The following DKK2 variants were observed in gnomAD, a reference collection of about 807,000 sequenced individuals.
DKK2 encodes the protein dickkopf-related protein 2.
In DKK2, 11 loss-of-function variants were observed where a neutral mutation model predicts 28.1. The observed-to-expected ratio is 0.39, with a 90% CI of 0.25 to 0.65. DKK2 has a LOEUF of 0.65. Ranked by LOEUF, DKK2 falls within the 30% of genes least tolerant of loss-of-function variation. The pLI, the probability that DKK2 is intolerant of heterozygous loss-of-function variation, is 0.47. For missense variants in DKK2, 326 were observed against 335.5 expected (o/e 0.97, Z 0.22); for synonymous variants, 135 against 126.5 (o/e 1.07, Z -0.45).
chr4:106,967,769 G>A (rs1368028830), intron 1 of DKK2, among the ~76,000 whole-genome samples: 1 of 149,412 alleles, frequency 6.7e-6, no homozygotes, highest in African/African-American at 2.5e-5. Context: ...AAGGGAATTA[G>A]GAAAGGAAGC....
At chr4:107,008,743 A>G (rs1723475150) in intron 1 of DKK2, among the ~76,000 whole-genome samples, 1 of 151,960 alleles carries the variant, frequency 6.6e-6, no homozygotes, top group Non-Finnish European at 1.5e-5. Flanking sequence ...ACTTCAAATT[A>G]TTTACTTAGT....
At chr4:107,003,532 G>T (rs112510274) in intron 1 of DKK2, among the ~76,000 whole-genome samples, 1 of 152,178 alleles carries the variant, frequency 6.6e-6, no homozygotes, top group African/African-American at 2.4e-5. Context: ...TGCACAGAGC[G>T]CTAACCAAAG....
At chr4:106,968,871 A>G (rs1250816698) in intron 1 of DKK2, among the ~76,000 whole-genome samples, 1 of 152,090 alleles carries the variant, frequency 6.6e-6, no homozygotes, top group Non-Finnish European at 1.5e-5. Flanking sequence ...CTCAACCCAA[A>G]AGAAGACAAA....
At chr4:106,933,333 C>G (rs895193325) in intron 1 of DKK2, among the ~76,000 whole-genome samples, 1 of 152,180 alleles carries the variant, frequency 6.6e-6, no homozygotes, top group African/African-American at 2.4e-5. Context: ...CTGAAAACAA[C>G]GTGAGTCTAA....
At position 106,922,564 on chromosome 4, in the gene DKK2, G is replaced by T. The variant is rs2110338108; in HGVS notation, c.*1390C>A. The T allele has an allele frequency of 6.6e-6, 1 of 152,286 alleles. No homozygotes were observed. Among genetic ancestry groups the T allele is most frequent in the South Asian group, 2.1e-4 (1 of 4,830 alleles). 9.4% of individuals were successfully genotyped at this position (152,286 alleles called of 1,614,324 possible). A position where few individuals can be genotyped will look rare whatever the true frequency, so the allele number is the denominator to read the frequency against. On this transcript the variant is annotated 3_prime_UTR_variant, in exon 4 of 4. Coordinates refer to ENST00000285311, the MANE Select transcript of DKK2 (RefSeq NM_014421.3). Reference sequence around the variant, plus strand: ...TAAAGCAGATGCTGCAGAGGTTTGGGAAGAAAATTGGATGATGCCATTGGC... The same window carrying T: ...TAAAGCAGATGCTGCAGAGGTTTGGTAAGAAAATTGGATGATGCCATTGGC...
chr4:107,035,637 G>A lies in DKK2; in HGVS notation c.-46C>T. ...AGGAAGACGCAAAGCCCGGAGGGGTGGGAATGCAAAGGGAGGGAGGACCCC... is the reference window on the plus strand; with the variant it reads ...AGGAAGACGCAAAGCCCGGAGGGGTAGGAATGCAAAGGGAGGGAGGACCCC... On this transcript the variant is annotated 5_prime_UTR_variant, in exon 1 of 4. Coordinates refer to ENST00000285311, the MANE Select transcript of DKK2 (RefSeq NM_014421.3). 1.2e-6 allele frequency: 2 copies of A among 1,602,820 alleles called. No homozygotes were observed. Among genetic ancestry groups the A allele is most frequent in the African/African-American group, 1.3e-5 (1 of 74,876 alleles).
At chr4:106,964,400 C>CA (rs899368245) in intron 1 of DKK2, among the ~76,000 whole-genome samples, 1 of 151,730 alleles carries the variant, frequency 6.6e-6, no homozygotes, top group African/African-American at 2.4e-5. Context: ...TTAATGGGTA[C>CA]AAAAATGATG....
intron 1 of DKK2, among the ~76,000 whole-genome samples, chr4:106,996,915 A>G (rs1387693657): frequency 6.6e-6 from 1 of 151,732 alleles, no homozygotes; most frequent in Non-Finnish European, 1.5e-5. Context: ...CCTCAGTGAC[A>G]TGTGATTTAC....
At chr4:106,988,993 A>G (rs555037774) in intron 1 of DKK2, among the ~76,000 whole-genome samples, 105 of 152,306 alleles carry the variant, frequency 6.9e-4, no homozygotes, top group African/African-American at 2.4e-3. Context: ...ACCTGAATGC[A>G]GAATGCTCAA....
chr4:107,010,932 G>A lies in DKK2; in HGVS notation c.222+24438C>T, dbSNP rs757043. Among the ~76,000 whole-genome samples, 298 of 151,378 alleles carry A rather than the reference G, an allele frequency of 2.0e-3. 1 individual carries two copies. The highest frequency in any genetic ancestry group is 6.7e-3 in the African/African-American group (279 of 41,460). ...CAATTTTCAAGAATGAAAGTAGAGC[G>A]AAGCATGATGGCATTGTTTTACATT... is the stretch of plus-strand genomic sequence containing the variant. On this transcript the variant is annotated intron_variant, in intron 1 of 3. Coordinates refer to ENST00000285311, the MANE Select transcript of DKK2 (RefSeq NM_014421.3).
At chr4:106,982,434 A>G (rs1377916128) in intron 1 of DKK2, among the ~76,000 whole-genome samples, 1 of 152,184 alleles carries the variant, frequency 6.6e-6, no homozygotes, top group Non-Finnish European at 1.5e-5. Context: ...AAACAGAAAG[A>G]AACTCTGGTG....
intron 1 of DKK2, among the ~76,000 whole-genome samples, chr4:107,005,314 C>T (rs1433275577): frequency 7.7e-6 from 1 of 130,642 alleles, no homozygotes; most frequent in African/African-American, 2.9e-5. Flanking sequence ...GCACTCCAGC[C>T]TGGGTGACAG....
In DKK2 at chr4:106,923,979, C is replaced by G. The variant is rs1724385886; in HGVS notation, c.755G>C (p.Arg252Thr). Residue 252 changes from arginine (R) to threonine (T), a missense_variant, in exon 4 of 4, where the codon AGA becomes ACA. Arg to Thr is a moderately conservative substitution (Grantham distance 71). Coordinates refer to ENST00000285311, the MANE Select transcript of DKK2 (RefSeq NM_014421.3). Reference sequence around the variant, plus strand: ...TCAAATTTTCTGACACACATGGAGTCTGGCTTTGGAGGAGTAGGTGGCATC... The same window carrying G: ...TCAAATTTTCTGACACACATGGAGTGTGGCTTTGGAGGAGTAGGTGGCATC... ...WKDATYSSKARLHVCQKI is the reference protein window; with the variant it reads ...WKDATYSSKATLHVCQKI The G allele has an allele frequency of 1.9e-6, 3 of 1,613,888 alleles. No individual in the cohort carries two copies. The highest frequency in any genetic ancestry group is 2.7e-5 in the African/African-American group (2 of 74,998).
intron 1 of DKK2, among the ~76,000 whole-genome samples, chr4:107,014,211 C>A (rs894203948): frequency 4.6e-5 from 7 of 151,294 alleles, no homozygotes; most frequent in Non-Finnish European, 8.9e-5. Flanking sequence ...GCATGATTTA[C>A]AATAGTCAAG....
Position 107,035,500 on chromosome 4 carries a change from G to A in DKK2, c.92C>T (p.Ser31Leu). 6.2e-7 allele frequency: 1 copy of A among 1,614,182 alleles called. No individual in the cohort carries two copies. Residue 31 changes from serine to leucine, a missense_variant, in exon 1 of 4, where the codon TCG becomes TTG. Physicochemically the swap from Ser to Leu is moderately radical, Grantham distance 145. Coordinates refer to ENST00000285311, the MANE Select transcript of DKK2 (RefSeq NM_014421.3). ...CTTGATGGAGTTGAGTTTGGCCCGC[G>A]AACTGCCGATCTGTGAGCTCTCCAC... is the stretch of plus-strand genomic sequence containing the variant. ...LMVESSQIGS[S>L]RAKLNSIKSS...
At chr4:107,025,450 T>A (rs954295016) in intron 1 of DKK2, among the ~76,000 whole-genome samples, 1 of 152,198 alleles carries the variant, frequency 6.6e-6, no homozygotes, top group East Asian at 1.9e-4. Context: ...TTTTTGAAAC[T>A]TTTTTTAGGA....
At chr4:106,938,347 G>A (rs1485956844) in intron 1 of DKK2, among the ~76,000 whole-genome samples, 17 of 151,968 alleles carry the variant, frequency 1.1e-4, no homozygotes, top group Admixed American at 3.9e-4. Flanking sequence ...ACACCTCTGC[G>A]CAAATAAACT....
At chr4:106,968,878 CA>C (rs1722821784) in intron 1 of DKK2, among the ~76,000 whole-genome samples, 1 of 152,130 alleles carries the variant, frequency 6.6e-6, no homozygotes, top group South Asian at 2.1e-4. Context: ...CAAAAGAAGA[CA>C]AAAAGACATT....
intron 1 of DKK2, among the ~76,000 whole-genome samples, chr4:106,927,340 C>T (rs1421808343): frequency 2.0e-5 from 3 of 152,048 alleles, no homozygotes; most frequent in Non-Finnish European, 4.4e-5. Context: ...ACATGTTTTC[C>T]GTTTAGGTGA....
Sources: gnomAD v4.1 joint callset for allele counts (sites outside exome capture counted in the v4.1 genomes callset) on GRCh38, gnomAD v4.1.1 for gene constraint, MANE v1.5 for transcripts, NCBI Gene and HGNC (gene_info 2026-07-23, HGNC 2026-07-21) for gene names.